CACNA2D3: variants seen among roughly 807,000 people sequenced by gnomAD.
The protein encoded by CACNA2D3 is calcium voltage-gated channel auxiliary subunit alpha2delta 3.
CACNA2D3 carries 60 observed loss-of-function variants against 160.6 expected under a neutral mutation model. The observed-to-expected ratio is 0.37, with a 90% CI of 0.30 to 0.46. The LOEUF is 0.46. CACNA2D3 is among the 20% of genes least tolerant of loss of function. CACNA2D3 has a pLI of 1.00. For missense variants in CACNA2D3, 1,205 were observed against 1,365.0 expected, an observed-to-expected ratio of 0.88 and a Z score of 1.85; for synonymous variants, 558 against 492.9, an observed-to-expected ratio of 1.13 and a Z score of -1.75.
At chr3:54,785,267 T>C (rs1168721082) in intron 13 of CACNA2D3, among the ~76,000 whole-genome samples, 1 of 152,014 alleles carries the variant, frequency 6.6e-6, no homozygotes, top group Non-Finnish European at 1.5e-5. Context: ...TCCATTTTGA[T>C]TTTTTTTCTC....
At chr3:54,163,125 G>A (rs898106248) in intron 2 of CACNA2D3, among the ~76,000 whole-genome samples, 1 of 152,188 alleles carries the variant, frequency 6.6e-6, no homozygotes, top group East Asian at 1.9e-4. Flanking sequence ...GGTTGGAGAA[G>A]CATCAAGGGG....
intron 2 of CACNA2D3, among the ~76,000 whole-genome samples, chr3:54,130,694 A>T (rs138617158): frequency 1.1e-4 from 16 of 152,222 alleles, no homozygotes; most frequent in Non-Finnish European, 2.2e-4. Context: ...CCACAGTGCT[A>T]TATTTTCTTG....
chr3:54,515,587 G>C (rs1387752803), intron 5 of CACNA2D3, among the ~76,000 whole-genome samples: 1 of 152,208 alleles, frequency 6.6e-6, no homozygotes, highest in African/African-American at 2.4e-5. Context: ...AGTCAGTGCA[G>C]ATGCTACCTT....
At chr3:55,048,327 G>T (rs1704107945) in intron 35 of CACNA2D3, among the ~76,000 whole-genome samples, 1 of 126,060 alleles carries the variant, frequency 7.9e-6, no homozygotes, top group South Asian at 2.8e-4. Flanking sequence ...TTGAATTTTT[G>T]TCAAAGGCTT....
chr3:54,746,430 G>A (rs1280674122), intron 11 of CACNA2D3, among the ~76,000 whole-genome samples: 1 of 152,184 alleles, frequency 6.6e-6, no homozygotes, highest in Admixed American at 6.5e-5. Context: ...TCATCATTTT[G>A]AGAAATCCTG....
At chr3:54,265,960 CA>C (rs1702508475) in intron 2 of CACNA2D3, among the ~76,000 whole-genome samples, 1 of 152,040 alleles carries the variant, frequency 6.6e-6, no homozygotes, top group Admixed American at 6.6e-5. Context: ...ATAAAGTGCT[CA>C]AAAGCCTTCT....
rs532529697 is a variant in CACNA2D3, at chr3:54,982,032, G to A, written c.2557-2576G>A. Among the ~76,000 whole-genome samples the A allele has an allele frequency of 4.6e-5, 7 of 152,244 alleles. No individual in the cohort carries two copies. The South Asian group carries it at 1.2e-3, about 27-fold the overall frequency. On this transcript the variant is annotated intron_variant, in intron 29 of 37. Transcript: ENST00000474759. ...TAAAAAGTTCAGGTGGCCACTTGTC[G>A]GTAGTGAAGGGATGTTTTCTGGCAG...
At position 54,542,342 on chromosome 3, in the gene CACNA2D3, G is replaced by C. The variant is rs562606721; in HGVS notation, c.545-20458G>C. Among the ~76,000 whole-genome samples the C allele has an allele frequency of 9.2e-5, 14 of 152,214 alleles. No homozygotes were observed. In the South Asian group the frequency reaches 2.7e-3, roughly 29 times the overall value. ...CCCAAAGTGCTGAGATTACAGGTGT[G>C]AGCCACCACACCCAGCCTGAAAGGG... On this transcript the variant is annotated intron_variant, in intron 5 of 37. Coordinates refer to ENST00000474759, the MANE Select transcript of CACNA2D3 (RefSeq NM_018398.3).
intron 27 of CACNA2D3, among the ~76,000 whole-genome samples, chr3:54,956,826 C>T (rs76683036): frequency 6.6e-5 from 10 of 152,016 alleles, no homozygotes; most frequent in African/African-American, 1.2e-4. Context: ...TACCTTGATA[C>T]CTCCAGTTTG....
At chr3:54,826,298 C>T (rs886299183) in intron 14 of CACNA2D3, among the ~76,000 whole-genome samples, 4 of 152,080 alleles carry the variant, frequency 2.6e-5, no homozygotes, top group Admixed American at 2.6e-4. Context: ...ACATCTCATG[C>T]CAAAGGATTC....
chr3:54,560,078 T>C (rs1457482377), intron 5 of CACNA2D3, among the ~76,000 whole-genome samples: 2 of 152,254 alleles, frequency 1.3e-5, no homozygotes, highest in Non-Finnish European at 2.9e-5. Context: ...TAGACTGATT[T>C]ATACTCCTTT....
chr3:54,542,124 T>C (rs567641520), intron 5 of CACNA2D3, among the ~76,000 whole-genome samples: 2 of 152,106 alleles, frequency 1.3e-5, no homozygotes, highest in Admixed American at 6.5e-5. Context: ...TGCAGTGGCG[T>C]GATCTCGGCT....
At chr3:54,594,932 C>T (rs947319211) in intron 9 of CACNA2D3, among the ~76,000 whole-genome samples, 42 of 152,200 alleles carry the variant, frequency 2.8e-4, no homozygotes, top group Non-Finnish European at 5.0e-4. Context: ...CATGAATACT[C>T]ATCTGAAGAT....
At chr3:55,066,682 A>G (rs187357417) in intron 35 of CACNA2D3, among the ~76,000 whole-genome samples, 35 of 152,228 alleles carry the variant, frequency 2.3e-4, no homozygotes, top group Admixed American at 2.1e-3. Flanking sequence ...AGTGAGTGGG[A>G]AAGGGAGGAC....
intron 5 of CACNA2D3, among the ~76,000 whole-genome samples, chr3:54,520,621 C>T (rs1396413373): frequency 6.6e-6 from 1 of 152,200 alleles, no homozygotes; most frequent in Admixed American, 6.5e-5. Flanking sequence ...ATACAATTCA[C>T]ATAACATACA....
chr3:54,344,641 A>T (rs896729912), intron 3 of CACNA2D3, among the ~76,000 whole-genome samples: 2 of 152,168 alleles, frequency 1.3e-5, no homozygotes, highest in Non-Finnish European at 2.9e-5. Context: ...TGTGACGTCT[A>T]TGTAGAAATT....
chr3:54,177,011 T>C (rs1700691824), intron 2 of CACNA2D3, among the ~76,000 whole-genome samples: 1 of 152,144 alleles, frequency 6.6e-6, no homozygotes, highest in African/African-American at 2.4e-5. Flanking sequence ...TTGGGGATGA[T>C]AGTAGGTTAC....
intron 11 of CACNA2D3, among the ~76,000 whole-genome samples, chr3:54,728,203 A>C (rs1701314155): frequency 6.6e-6 from 1 of 152,010 alleles, no homozygotes; most frequent in African/African-American, 2.4e-5. Flanking sequence ...AAATTCTTTA[A>C]GAATTCCAGT....
At chr3:54,662,001 A>G (rs1161684093) in intron 11 of CACNA2D3, among the ~76,000 whole-genome samples, 1 of 152,072 alleles carries the variant, frequency 6.6e-6, no homozygotes, top group African/African-American at 2.4e-5. Context: ...TAATGACACC[A>G]TCTTATAGTT....
Sources: allele counts gnomAD v4.1 joint callset (sites outside exome capture counted in the v4.1 genomes callset), GRCh38; gene constraint gnomAD v4.1.1; transcripts MANE v1.5; gene names NCBI Gene and HGNC (gene_info 2026-07-23, HGNC 2026-07-21).